Variants in EDNRB observed in about 807,000 individuals in gnomAD.
The protein encoded by EDNRB is endothelin receptor type B.
EDNRB carries 18 observed loss-of-function variants against 46.4 expected under a neutral mutation model. The ratio of observed to expected loss-of-function variants is 0.39; its 90% CI spans 0.27 to 0.57. The LOEUF (loss-of-function observed/expected upper bound fraction) is 0.57. Among genes scored for constraint, EDNRB ranks in the 20% least tolerant of loss-of-function variants. EDNRB has a pLI of 0.61. For missense variants in EDNRB, 434 were observed against 537.5 expected (o/e 0.81, Z 1.90); for synonymous variants, 213 against 204.9 (o/e 1.04, Z -0.34).
At chr13:77,968,254 C>T (rs759324436) in intron 1 of EDNRB, among the ~76,000 whole-genome samples, 1 of 151,954 alleles carries the variant, frequency 6.6e-6, no homozygotes, top group African/African-American at 2.4e-5. Context: ...AGAATATTTG[C>T]TCCTTGGTTG....
At chr13:77,922,893 C>T (rs571235970), upstream of EDNRB, among the ~76,000 whole-genome samples, 9 of 152,220 alleles carry the variant, frequency 5.9e-5, no homozygotes, top group South Asian at 4.1e-4. Context: ...TAGATTTGGA[C>T]GCTATTCCTG....
intron 1 of EDNRB, among the ~76,000 whole-genome samples, chr13:77,958,549 T>G (rs1881306508): frequency 6.6e-6 from 1 of 151,956 alleles, no homozygotes; most frequent in Admixed American, 6.6e-5. Flanking sequence ...ATTTTTTGTA[T>G]TTTTTCAGTA....
At chr13:77,936,283 A>G (rs571694453) in intron 1 of EDNRB, among the ~76,000 whole-genome samples, 12 of 152,078 alleles carry the variant, frequency 7.9e-5, no homozygotes, top group Middle Eastern at 3.4e-3. Context: ...AGATAATTTA[A>G]TTAAAGTGTC....
intron 1 of EDNRB, among the ~76,000 whole-genome samples, chr13:77,929,163 A>G (rs1192332149): frequency 6.6e-6 from 1 of 152,210 alleles, no homozygotes; most frequent in Admixed American, 6.5e-5. Flanking sequence ...CAAAGGTCTC[A>G]ATTGTGTGAC....
intron 1 of EDNRB, among the ~76,000 whole-genome samples, chr13:77,904,150 C>T (rs1403387903): frequency 6.6e-6 from 1 of 151,926 alleles, no homozygotes; most frequent in East Asian, 1.9e-4. Context: ...ACACCAGGCA[C>T]ATTCCTACTT....
chr13:77,940,700 GGT>G (rs6145134), intron 1 of EDNRB, among the ~76,000 whole-genome samples: 39,481 of 148,478 alleles, frequency 0.27, 5,329 homozygotes, highest in East Asian at 0.47. Flanking sequence ...AGATGAATTG[GGT>G]GTGTGTGTGT....
chr13:77,957,434 T>C (rs1403875086), intron 1 of EDNRB, among the ~76,000 whole-genome samples: 1 of 152,182 alleles, frequency 6.6e-6, no homozygotes, highest in Admixed American at 6.5e-5. Flanking sequence ...ACTTTTATGT[T>C]ATTGTGAAAA....
upstream of EDNRB, chr13:77,919,350 A>G: frequency 1.3e-6 from 2 of 1,570,190 alleles, no homozygotes; most frequent in South Asian, 1.1e-5. Flanking sequence ...GCCCCAGAAT[A>G]AGGTTCAATC....
At chr13:77,908,426 CAA>C (rs11359758) in intron 1 of EDNRB, among the ~76,000 whole-genome samples, 4,350 of 124,166 alleles carry the variant, frequency 0.035, 141 homozygotes, top group African/African-American at 0.11. Context: ...GAAGTTTTGC[CAA>C]AAAAAAAAAA....
intron 1 of EDNRB, among the ~76,000 whole-genome samples, chr13:77,961,262 A>G (rs1881403277): frequency 6.6e-6 from 1 of 151,652 alleles, no homozygotes; most frequent in Non-Finnish European, 1.5e-5. Flanking sequence ...ACCACGTCGC[A>G]CTTATTCCAA....
intron 1 of EDNRB, among the ~76,000 whole-genome samples, chr13:77,957,794 A>G (rs1032677453): frequency 1.3e-5 from 2 of 152,244 alleles, no homozygotes; most frequent in Non-Finnish European, 2.9e-5. Context: ...TATATTTCAC[A>G]GCATTCACGA....
intron 1 of EDNRB, among the ~76,000 whole-genome samples, chr13:77,906,726 C>T (rs1371133605): frequency 1.3e-5 from 2 of 152,002 alleles, no homozygotes; most frequent in South Asian, 4.1e-4. Context: ...TTAAATGTAC[C>T]TTCTTGAGAG....
At chr13:77,905,753 G>C (rs1879242676) in intron 1 of EDNRB, among the ~76,000 whole-genome samples, 1 of 151,942 alleles carries the variant, frequency 6.6e-6, no homozygotes, top group African/African-American at 2.4e-5. Flanking sequence ...AGCATTCTAG[G>C]CAGAGGCAAG....
chr13:77,898,272 C>G lies in EDNRB; in HGVS notation c.1257G>C (p.Ser419=). 1 of 1,612,124 alleles carries G rather than the reference C, an allele frequency of 6.2e-7. No individual in the cohort carries two copies. Among genetic ancestry groups the G allele is most frequent in the Non-Finnish European group, 8.5e-7 (1 of 1,178,858 alleles). The change falls in exon 7 of 7, where the codon TCG becomes TCC. Residue 419 remains serine, a synonymous_variant. Coordinates refer to ENST00000646607, the MANE Select transcript of EDNRB (RefSeq NM_001122659.3). ...EEKQSLEEKQ[S]CLKFKANDHG... ...GATCATTAGCTTTGAACTTTAAGCA[C>G]GACTGCTTTTCCTCCAAGGACTGTT...
At position 77,901,184 on chromosome 13, in the gene EDNRB, C is replaced by G; in HGVS notation, c.825G>C (p.Trp275Cys). Residue 275 changes from tryptophan to cysteine, a missense_variant, in exon 4 of 7, where the codon TGG becomes TGC. Transcript: ENST00000646607. The stretch of plus-strand genomic sequence containing the variant: ...AGCAGAAATAGAAACTGAATAGCCA[C>G]CAATCTTTTGCTGTCTTGTAAAACT... Reference protein sequence around the residue: ...FMQFYKTAKDWWLFSFYFCLP... With the variant: ...FMQFYKTAKDCWLFSFYFCLP... 1 of 1,610,858 alleles carries G rather than the reference C, an allele frequency of 6.2e-7. No individual in the cohort carries two copies.
chr13:77,916,983 A>G (rs1303318902), intron 1 of EDNRB, among the ~76,000 whole-genome samples: 4 of 152,068 alleles, frequency 2.6e-5, no homozygotes, highest in African/African-American at 9.7e-5. Flanking sequence ...AATTGAGGAA[A>G]CTGAGGCCCA....
chr13:77,926,198 G>T (rs1335558100), intron 1 of EDNRB, among the ~76,000 whole-genome samples: 1 of 152,134 alleles, frequency 6.6e-6, no homozygotes, highest in Non-Finnish European at 1.5e-5. Context: ...TTAACATTAG[G>T]ATCCTTGCTA....
At chr13:77,965,437 G>A (rs1050677028) in intron 1 of EDNRB, among the ~76,000 whole-genome samples, 13 of 152,140 alleles carry the variant, frequency 8.5e-5, no homozygotes, top group African/African-American at 2.7e-4. Flanking sequence ...TCAAATCTTA[G>A]AACAAGAAGA....
intron 1 of EDNRB, among the ~76,000 whole-genome samples, chr13:77,974,413 G>C (rs900905814): frequency 6.6e-6 from 1 of 152,152 alleles, no homozygotes; most frequent in African/African-American, 2.4e-5. Flanking sequence ...TGATAGGAAG[G>C]CCTCAGTGCT....
Sources: allele counts gnomAD v4.1 joint callset (sites outside exome capture counted in the v4.1 genomes callset), GRCh38; gene constraint gnomAD v4.1.1; transcripts MANE v1.5; gene names NCBI Gene and HGNC (gene_info 2026-07-23, HGNC 2026-07-21).